Variants in DDX46 observed in about 807,000 individuals in gnomAD.
DDX46 encodes the protein probable ATP-dependent RNA helicase DDX46.
DDX46 carries 30 observed loss-of-function variants against 134.9 expected under a neutral mutation model. The ratio of observed to expected loss-of-function variants is 0.22; its 90% CI spans 0.17 to 0.30. The LOEUF is 0.30. DDX46 is among the 10% of genes least tolerant of loss of function. The pLI is 1.00. For synonymous variants in DDX46, 415 were observed against 404.1 expected (o/e 1.03, Z -0.32); for missense variants, 622 against 1,248.7 (o/e 0.50, Z 7.56).
At chr5:134,818,160 T>A (rs1001884154) in intron 20 of DDX46, among the ~76,000 whole-genome samples, 1 of 151,856 alleles carries the variant, frequency 6.6e-6, no homozygotes, top group African/African-American at 2.4e-5. Flanking sequence ...GGCTTCACCA[T>A]GTTGTTCAGT....
chr5:134,804,819 C>T, intron 15 of DDX46: 1 of 407,460 alleles, frequency 2.5e-6, no homozygotes. Context: ...ACACTTTCAC[C>T]ATGATTTTCT....
intron 3 of DDX46, among the ~76,000 whole-genome samples, chr5:134,769,627 G>A (rs541262714): frequency 1.2e-3 from 175 of 147,258 alleles, no homozygotes; most frequent in African/African-American, 4.2e-3. Context: ...TGCAACCTCC[G>A]CCTCCCGAGT....
At chr5:134,764,705 A>G (rs1168155164) in intron 2 of DDX46, among the ~76,000 whole-genome samples, 1 of 152,206 alleles carries the variant, frequency 6.6e-6, no homozygotes, top group South Asian at 2.1e-4. Context: ...GTTATATTCA[A>G]GAGGGTTCTA....
intron 1 of DDX46, 95 bp from the exon 2 acceptor site, chr5:134,763,809 A>G: frequency 7.2e-7 from 1 of 1,397,890 alleles, no homozygotes; most frequent in Non-Finnish European, 9.6e-7. Flanking sequence ...TGAGTGTTAA[A>G]TTTGTCTGCT....
chr5:134,800,242 C>T (rs1335078298), intron 15 of DDX46, among the ~76,000 whole-genome samples: 1 of 152,144 alleles, frequency 6.6e-6, no homozygotes, highest in Non-Finnish European at 1.5e-5. Context: ...GCTCCTGCAC[C>T]TGGCCTGAGT....
Position 134,780,564 on chromosome 5 carries a change from C to CAATAAATAAATAAATA in DDX46, c.766-546_766-531dup, listed in dbSNP as rs10655595. ...GGGTGACAAGAGCAAAACTTTATCT[C>CAATAAATAAATAAATA]AATAAATAAATAAATAAATAAATAA... On this transcript the variant is annotated intron_variant, in intron 6 of 22. Coordinates refer to ENST00000452510, the MANE Select transcript of DDX46 (RefSeq NM_001300860.2). Among the ~76,000 whole-genome samples, 135 of 142,330 alleles carry CAATAAATAAATAAATA rather than the reference C, an allele frequency of 9.5e-4. 1 individual carries two copies. Among genetic ancestry groups the CAATAAATAAATAAATA allele is most frequent in the Admixed American group, 3.4e-3 (48 of 13,948 alleles). 93.4% of individuals were successfully genotyped at this position (142,330 alleles called of 152,430 possible).
chr5:134,796,556 A>G (rs1322390591), intron 15 of DDX46, among the ~76,000 whole-genome samples: 1 of 152,240 alleles, frequency 6.6e-6, no homozygotes, highest in African/African-American at 2.4e-5. Flanking sequence ...ATGTGGAACT[A>G]GAACACAAAA....
rs79622265 is a variant in DDX46 at position 134,758,823 on chromosome 5, G to T, written c.-116G>T. 53 of 1,507,186 alleles carry T rather than the reference G, an allele frequency of 3.5e-5. No homozygotes were observed. The African/African-American group carries it at 6.2e-4, about 18-fold the overall frequency. The allele number at this position is 1,507,186 out of a possible 1,614,324, so 93.4% of individuals were successfully genotyped here. ...TGGGATGGCCGCCACAGCTGTAGGT[G>T]CTGCTAGTGTTTAGCGCTGGTCTTT... is the stretch of plus-strand genomic sequence containing the variant. On this transcript the variant is annotated 5_prime_UTR_variant, in exon 1 of 23. Coordinates refer to ENST00000452510, the MANE Select transcript of DDX46 (RefSeq NM_001300860.2).
At position 134,823,157 on chromosome 5, in the gene DDX46, C is replaced by CTT. The variant is rs201053941; in HGVS notation, c.2978-3769_2978-3768dup. ...TTATCTGAGAATTTCTTAATTTCAT[C>CTT]TTTTTTTTTTTTTTTTTTTTTTGAC... On this transcript the variant is annotated intron_variant, in intron 21 of 22. Coordinates refer to ENST00000452510, the MANE Select transcript of DDX46 (RefSeq NM_001300860.2). Among the ~76,000 whole-genome samples, 544 of 111,188 alleles carry CTT rather than the reference C, an allele frequency of 4.9e-3. 8 individuals are homozygous for CTT. Among genetic ancestry groups the CTT allele is most frequent in the South Asian group, 0.011 (33 of 2,906 alleles). 72.9% of individuals were successfully genotyped at this position (111,188 alleles called of 152,430 possible). A position where few individuals can be genotyped will look rare whatever the true frequency, so the allele number is the denominator to read the frequency against.
At chr5:134,794,188 C>T (rs1754585751) in intron 13 of DDX46, among the ~76,000 whole-genome samples, 1 of 152,080 alleles carries the variant, frequency 6.6e-6, no homozygotes, top group African/African-American at 2.4e-5. Flanking sequence ...TCTTGATGAC[C>T]CTGGCTCTTG....
intron 13 of DDX46, among the ~76,000 whole-genome samples, chr5:134,793,142 G>A (rs1329041613): frequency 1.3e-5 from 2 of 152,144 alleles, no homozygotes; most frequent in East Asian, 3.8e-4. Context: ...GGGCGACAGA[G>A]TGAGACCGTG....
chr5:134,811,447 C>T lies in DDX46; in HGVS notation c.2286+89C>T, dbSNP rs927386922. On this transcript the variant is annotated intron_variant, in intron 17 of 22. Coordinates refer to ENST00000452510, the MANE Select transcript of DDX46 (RefSeq NM_001300860.2). ...ATTCTTGGAAATCTTTTATTTAACA[C>T]TTGAAAATTTTGCTACGACTATTTT... The T allele has an allele frequency of 3.3e-6, 5 of 1,501,280 alleles. No individual in the cohort carries two copies. The East Asian group carries it at 9.2e-5, about 28-fold the overall frequency. 93.0% of individuals were successfully genotyped at this position (1,501,280 alleles called of 1,614,324 possible).
intron 16 of DDX46, among the ~76,000 whole-genome samples, chr5:134,808,157 C>T (rs1480835716): frequency 6.6e-6 from 1 of 152,142 alleles, no homozygotes; most frequent in African/African-American, 2.4e-5. Flanking sequence ...TAGGCAGATC[C>T]TGTTAACAGT....
intron 15 of DDX46, among the ~76,000 whole-genome samples, chr5:134,803,261 TG>T (rs2150152651): frequency 6.6e-6 from 1 of 152,282 alleles, no homozygotes; most frequent in African/African-American, 2.4e-5. Flanking sequence ...CCCAAAGTAC[TG>T]GGATTACAGG....
intron 10 of DDX46, 96 bp downstream of exon 10, chr5:134,784,637 A>G: frequency 7.5e-7 from 1 of 1,329,932 alleles, no homozygotes; most frequent in African/African-American, 1.5e-5. Flanking sequence ...ATGACAATGA[A>G]GTTGTCTTTA....
chr5:134,813,393 T>G (rs1755202654), intron 18 of DDX46, among the ~76,000 whole-genome samples: 1 of 152,216 alleles, frequency 6.6e-6, no homozygotes, highest in Non-Finnish European at 1.5e-5. Flanking sequence ...CTCGTGAGAT[T>G]GCAGTCATCT....
chr5:134,787,631 AC>A (rs1754377790), intron 11 of DDX46, among the ~76,000 whole-genome samples: 1 of 152,212 alleles, frequency 6.6e-6, no homozygotes, highest in African/African-American at 2.4e-5. Flanking sequence ...ACATGCCTGC[AC>A]GTTGTATTTA....
Position 134,767,012 on chromosome 5 carries a change from G to C in DDX46, c.302G>C (p.Arg101Pro), listed in dbSNP as rs747704049. ...TCAAGGAGTAGAAGCCGGGGCCGGC[G>C]ATCCCGATCCTCCAGTCCTGGAAAT... The part of the protein sequence containing the change: ...RRSRSRSRGR[R>P]SRSSSPGNKS... The change falls in exon 3 of 23, where the codon CGA (arginine) becomes CCA (proline). Residue 101 changes from arginine (R) to proline (P), a missense_variant. By Grantham distance (103) the Arg-to-Pro change is moderately radical. Around this residue, in one of 8 missense-constraint regions of DDX46, gnomAD observed 244 missense variants for 349.3 expected, o/e 0.70. Transcript: ENST00000452510. 1 of 1,613,980 alleles carries C rather than the reference G, an allele frequency of 6.2e-7. No individual in the cohort carries two copies. The highest frequency in any genetic ancestry group is 8.5e-7 in the Non-Finnish European group (1 of 1,179,966).
chr5:134,775,949 A>G (rs1012443557), intron 5 of DDX46, among the ~76,000 whole-genome samples: 2 of 152,166 alleles, frequency 1.3e-5, no homozygotes, highest in Non-Finnish European at 2.9e-5. Flanking sequence ...TGAAATATCC[A>G]TATGTAACTT....
Sources: gnomAD v4.1 joint callset for allele counts (sites outside exome capture counted in the v4.1 genomes callset) on GRCh38, gnomAD v4.1.1 for gene constraint, gnomAD v4.1.1 regional missense constraint, MANE v1.5 for transcripts, NCBI Gene and HGNC (gene_info 2026-07-23, HGNC 2026-07-21) for gene names.